MYOM2: variants seen among roughly 807,000 people sequenced by gnomAD.
MYOM2 encodes the protein myomesin-2.
Under a neutral mutation model 187.6 loss-of-function variants are expected in MYOM2, and 254 were observed. That is an observed-to-expected ratio of 1.35 (90% confidence interval 1.22 to 1.50). The LOEUF (loss-of-function observed/expected upper bound fraction) is 1.50, where lower values mean the gene tolerates loss of function less well. Among genes scored for constraint, MYOM2 ranks in the 40% most tolerant of loss-of-function variants. MYOM2 has a pLI of 0.00. For missense variants in MYOM2, 2,796 were observed against 1,924.0 expected, an observed-to-expected ratio of 1.45 and a Z score of -8.48; for synonymous variants, 981 against 753.8, an observed-to-expected ratio of 1.30 and a Z score of -4.94.
intron 32 of MYOM2, among the ~76,000 whole-genome samples, chr8:2,137,564 T>TTGTGTGTG (rs35420025): frequency 0.037 from 5,600 of 150,128 alleles, 335 homozygotes; most frequent in African/African-American, 0.13. Flanking sequence ...CTGTGCCTGG[T>TTGTGTGTG]TGTGTGTGTG....
chr8:2,139,209 C>T (rs1798191177), intron 32 of MYOM2, among the ~76,000 whole-genome samples: 1 of 152,216 alleles, frequency 6.6e-6, no homozygotes, highest in Non-Finnish European at 1.5e-5. Flanking sequence ...GGTGTGATCA[C>T]AGCTCACTGC....
At chr8:2,068,618 G>A (rs1045787436) in intron 6 of MYOM2, among the ~76,000 whole-genome samples, 3 of 151,784 alleles carry the variant, frequency 2.0e-5, no homozygotes, top group Non-Finnish European at 2.9e-5. Context: ...CATCCTGGGC[G>A]CAGCTCTTCA....
chr8:2,139,163 C>T (rs1000615371), intron 32 of MYOM2, among the ~76,000 whole-genome samples: 7 of 152,082 alleles, frequency 4.6e-5, no homozygotes, highest in African/African-American at 1.2e-4. Context: ...CTTTTTGAGA[C>T]AGTGTCTCGC....
intron 32 of MYOM2, among the ~76,000 whole-genome samples, chr8:2,139,732 C>G (rs1007050350): frequency 2.0e-5 from 3 of 152,134 alleles, no homozygotes; most frequent in Admixed American, 6.5e-5. Flanking sequence ...TTTTCATGCA[C>G]CTGTGACTAT....
intron 20 of MYOM2, among the ~76,000 whole-genome samples, chr8:2,101,752 C>A (rs925238985): frequency 6.6e-6 from 1 of 152,072 alleles, no homozygotes; most frequent in African/African-American, 2.4e-5. Flanking sequence ...CCACTTCACG[C>A]CGGGCATTTA....
At chr8:2,054,269 G>A (rs577190479) in intron 3 of MYOM2, among the ~76,000 whole-genome samples, 2 of 152,146 alleles carry the variant, frequency 1.3e-5, no homozygotes, top group African/African-American at 2.4e-5. Context: ...AGACATTGGC[G>A]CTCTGAAGGC....
In MYOM2 at chr8:2,116,221, A is replaced by C; in HGVS notation, c.3331A>C (p.Lys1111Gln). The C allele has an allele frequency of 1.9e-6, 3 of 1,610,040 alleles. No individual in the cohort carries two copies. The highest frequency in any genetic ancestry group is 1.1e-5 in the South Asian group (1 of 89,908). ...SSLVLIGDAF[K>Q]TVLEEAEFQR... The stretch of plus-strand genomic sequence containing the variant: ...TTTTTAAATATTGAATTTAGCATTC[A>C]AGACTGTGCTGGAAGAGGCTGAGTT... The change falls in exon 27 of 37, where the codon AAG becomes CAG. Residue 1111 changes from lysine to glutamine, a missense_variant. Coordinates refer to ENST00000262113, the MANE Select transcript of MYOM2 (RefSeq NM_003970.4).
chr8:2,099,395 C>T (rs1378319461), intron 19 of MYOM2, among the ~76,000 whole-genome samples: 6 of 151,892 alleles, frequency 4.0e-5, no homozygotes, highest in East Asian at 3.9e-4. Context: ...AGCTGGGAGG[C>T]GCGACAGGGT....
intron 32 of MYOM2, among the ~76,000 whole-genome samples, chr8:2,130,774 A>G (rs1797837265): frequency 6.6e-6 from 1 of 152,160 alleles, no homozygotes; most frequent in Admixed American, 6.5e-5. Context: ...CTTTTTTTAA[A>G]GGACTGTGAT....
chr8:2,063,072 G>A (rs1818903733), intron 6 of MYOM2, among the ~76,000 whole-genome samples: 1 of 152,168 alleles, frequency 6.6e-6, no homozygotes, highest in African/African-American at 2.4e-5. Context: ...GGAAACTTGG[G>A]AAAAGGAAAC....
At chr8:2,120,243 C>T (rs1484915768) in intron 28 of MYOM2, among the ~76,000 whole-genome samples, 1 of 152,018 alleles carries the variant, frequency 6.6e-6, no homozygotes, top group Non-Finnish European at 1.5e-5. Flanking sequence ...GGAATAGGAA[C>T]TTTGGGTCTT....
chr8:2,108,880 G>C (rs200456040), intron 24 of MYOM2, 50 bp downstream of exon 24: 10 of 1,586,046 alleles, frequency 6.3e-6, no homozygotes, highest in Middle Eastern at 3.3e-4. Flanking sequence ...CTGGCTGGAG[G>C]GCCGTGTTCA....
chr8:2,098,421 G>T (rs2116763609), intron 18 of MYOM2, among the ~76,000 whole-genome samples: 1 of 152,274 alleles, frequency 6.6e-6, no homozygotes, highest in Middle Eastern at 3.4e-3. Flanking sequence ...GACGTGGTGG[G>T]CTCCGTCTCC....
chr8:2,051,570 T>C (rs1563411862), intron 2 of MYOM2, among the ~76,000 whole-genome samples: 1 of 152,210 alleles, frequency 6.6e-6, no homozygotes, highest in Non-Finnish European at 1.5e-5. Context: ...GGTACTTTTA[T>C]TTAGTTGCCA....
intron 2 of MYOM2, among the ~76,000 whole-genome samples, chr8:2,051,269 A>G (rs1465068225): frequency 6.6e-6 from 1 of 152,152 alleles, no homozygotes; most frequent in Non-Finnish European, 1.5e-5. Flanking sequence ...TAAAGACAGA[A>G]TGGGAGGCAA....
chr8:2,098,854 T>C lies in MYOM2; in HGVS notation c.2314-3T>C. 6.2e-7 allele frequency: 1 copy of C among 1,608,538 alleles called. No individual in the cohort carries two copies. The highest frequency in any genetic ancestry group is 8.5e-7 in the Non-Finnish European group (1 of 1,175,906). On this transcript the variant is annotated splice_polypyrimidine_tract_variant and splice_region_variant and intron_variant, in intron 18 of 36. Transcript: ENST00000262113. ...TGTATTAATTTAAACAAAATCTGAA[T>C]AGGTGGACGGCTTGACGGAAGGCTC...
chr8:2,089,888 A>T, intron 14 of MYOM2, 120 bp from the exon 15 acceptor site: 1 of 799,664 alleles, frequency 1.3e-6, no homozygotes, highest in Non-Finnish European at 1.9e-6. Context: ...TGTGTGCGAG[A>T]CGCAGCGGGC....
At chr8:2,123,736 C>T (rs1358373370) in intron 30 of MYOM2, 94 bp downstream of exon 30, 1 of 1,022,398 alleles carries the variant, frequency 9.8e-7, no homozygotes, top group East Asian at 2.4e-5. Context: ...CTAGCCTCAG[C>T]TATAGCACAC....
At position 2,127,629 on chromosome 8, in the gene MYOM2, C is replaced by G. The variant is rs1042375083; in HGVS notation, c.3695-1498C>G. 7 of 158,842 alleles carry G rather than the reference C, an allele frequency of 4.4e-5. No homozygotes were observed. In the East Asian group the frequency reaches 1.4e-3, roughly 32 times the overall value. 9.8% of individuals were successfully genotyped at this position (158,842 alleles called of 1,614,324 possible). A position where few individuals can be genotyped will look rare whatever the true frequency, so the allele number is the denominator to read the frequency against. The stretch of plus-strand genomic sequence containing the variant: ...GCAGGCAGGCAGTACCTCGGCGTGA[C>G]GCGGTGACGCAGCCGCAGGCAGGCA... On this transcript the variant is annotated intron_variant, in intron 31 of 36. Coordinates refer to ENST00000262113, the MANE Select transcript of MYOM2 (RefSeq NM_003970.4).
Sources: allele counts gnomAD v4.1 joint callset (sites outside exome capture counted in the v4.1 genomes callset), GRCh38; gene constraint gnomAD v4.1.1; transcripts MANE v1.5; gene names NCBI Gene and HGNC (gene_info 2026-07-23, HGNC 2026-07-21).